Variants in KCNAB1 observed in about 807,000 individuals in gnomAD.
The protein encoded by KCNAB1 is voltage-gated potassium channel subunit beta-1.
A neutral mutation model predicts 64.6 loss-of-function variants in KCNAB1; 35 were observed. That is an observed-to-expected ratio of 0.54 (90% CI 0.41 to 0.72). The LOEUF (loss-of-function observed/expected upper bound fraction) is 0.72, where lower values mean the gene tolerates loss of function less well. Among genes scored for constraint, KCNAB1 ranks in the 30% least tolerant of loss-of-function variants. The probability of loss-of-function intolerance (pLI) is 0.00; values close to 1 mark genes in which losing one functional copy is unlikely to be tolerated. For missense variants in KCNAB1, 401 were observed against 512.9 expected, an observed-to-expected ratio of 0.78 and a Z score of 2.11; for synonymous variants, 177 against 183.8, an observed-to-expected ratio of 0.96 and a Z score of 0.30.
At position 156,174,840 on chromosome 3, in the gene KCNAB1, G is replaced by T. The variant is rs551018150; in HGVS notation, c.275+53954G>T. ...GACTGGGCTTGGGCTGCCAATGAGG[G>T]TGCATCTGCCAGTGAGCTTTCACTT... On this transcript the variant is annotated intron_variant, in intron 1 of 13. Coordinates refer to ENST00000490337, the MANE Select transcript of KCNAB1 (RefSeq NM_172160.3). Among the ~76,000 whole-genome samples the T allele has an allele frequency of 3.7e-4, 56 of 152,328 alleles. 1 individual carries two copies. The South Asian group carries it at 0.01, about 28-fold the overall frequency.
At chr3:156,262,318 A>AG (rs1046019822) in intron 1 of KCNAB1, among the ~76,000 whole-genome samples, 4 of 151,790 alleles carry the variant, frequency 2.6e-5, no homozygotes, top group African/African-American at 4.8e-5. Context: ...GTATGATGTG[A>AG]GCTGTGGATT....
At chr3:156,266,598 GC>G (rs1361040680) in intron 1 of KCNAB1, among the ~76,000 whole-genome samples, 1 of 152,140 alleles carries the variant, frequency 6.6e-6, no homozygotes. Context: ...GGGTTAAAAA[GC>G]CTCAGTTATT....
chr3:156,527,219 T>C (rs1718372741), intron 12 of KCNAB1, among the ~76,000 whole-genome samples: 1 of 152,248 alleles, frequency 6.6e-6, no homozygotes, highest in Non-Finnish European at 1.5e-5. Context: ...TAAAACATAT[T>C]AGCTATTTGA....
At chr3:156,482,282 T>C (rs1714880193) in intron 8 of KCNAB1, among the ~76,000 whole-genome samples, 1 of 151,944 alleles carries the variant, frequency 6.6e-6, no homozygotes, top group Non-Finnish European at 1.5e-5. Flanking sequence ...AACTCAATAA[T>C]AGGATTAACT....
chr3:156,392,967 C>T (rs746952652), intron 1 of KCNAB1, among the ~76,000 whole-genome samples: 1 of 152,156 alleles, frequency 6.6e-6, no homozygotes, highest in African/African-American at 2.4e-5. Flanking sequence ...ATGTTGACCT[C>T]ATAAGATAAA....
intron 8 of KCNAB1, among the ~76,000 whole-genome samples, chr3:156,500,468 A>G (rs1716324437): frequency 6.6e-6 from 1 of 152,228 alleles, no homozygotes; most frequent in Non-Finnish European, 1.5e-5. Flanking sequence ...GAAGTTAGAG[A>G]CATCTTTATT....
intron 1 of KCNAB1, among the ~76,000 whole-genome samples, chr3:156,373,778 A>G (rs1711503653): frequency 6.6e-6 from 1 of 152,212 alleles, no homozygotes; most frequent in Admixed American, 6.5e-5. Context: ...TCAGCCTTGT[A>G]CCAAAGGCCC....
chr3:156,490,148 A>G (rs1481836547), intron 8 of KCNAB1, among the ~76,000 whole-genome samples: 3 of 152,030 alleles, frequency 2.0e-5, no homozygotes, highest in Non-Finnish European at 4.4e-5. Flanking sequence ...CCCTTCTCTC[A>G]CCCATGTCCA....
At chr3:156,363,264 G>A (rs1725727324) in intron 1 of KCNAB1, among the ~76,000 whole-genome samples, 1 of 152,172 alleles carries the variant, frequency 6.6e-6, no homozygotes, top group African/African-American at 2.4e-5. Flanking sequence ...ATCTAACCTT[G>A]AAGGTTTTAG....
intron 1 of KCNAB1, among the ~76,000 whole-genome samples, chr3:156,401,426 A>G (rs1028725948): frequency 6.6e-6 from 1 of 152,242 alleles, no homozygotes; most frequent in Non-Finnish European, 1.5e-5. Flanking sequence ...TCTTAATTAT[A>G]GGATTTTTTC....
chr3:156,359,109 G>T (rs1725440159), intron 1 of KCNAB1, among the ~76,000 whole-genome samples: 1 of 152,086 alleles, frequency 6.6e-6, no homozygotes, highest in African/African-American at 2.4e-5. Context: ...TCCTGAAGAG[G>T]TGTATATATT....
chr3:156,140,920 G>A (rs1253540020), intron 1 of KCNAB1, among the ~76,000 whole-genome samples: 4 of 152,172 alleles, frequency 2.6e-5, no homozygotes, highest in African/African-American at 9.7e-5. Context: ...CAGCAGAGAT[G>A]TAAGATGTGA....
In KCNAB1 at chr3:156,460,980, T is replaced by C. The variant is rs564264257; in HGVS notation, c.482+1109T>C. ...TATGAACAAATAAACTTTGATGACC[T>C]ACTTTCTCCTTCTCCCTTCTCCCTC... On this transcript the variant is annotated intron_variant, in intron 5 of 13. Coordinates refer to ENST00000490337, the MANE Select transcript of KCNAB1 (RefSeq NM_172160.3). Among the ~76,000 whole-genome samples, 7 of 152,306 alleles carry C rather than the reference T, an allele frequency of 4.6e-5. No individual in the cohort carries two copies. In the South Asian group the frequency reaches 1.5e-3, roughly 32 times the overall value.
intron 1 of KCNAB1, among the ~76,000 whole-genome samples, chr3:156,261,324 A>G (rs1392061808): frequency 6.6e-6 from 1 of 152,000 alleles, no homozygotes; most frequent in Non-Finnish European, 1.5e-5. Context: ...AGCCAAGATC[A>G]TAAAGAATTC....
chr3:156,219,402 TCAAAGA>T (rs758677215), intron 1 of KCNAB1, among the ~76,000 whole-genome samples: 156 of 151,662 alleles, frequency 1.0e-3, no homozygotes, highest in South Asian at 1.7e-3. Flanking sequence ...ACCTAATCCG[TCAAAGA>T]CAAAGAAAAA....
intron 1 of KCNAB1, among the ~76,000 whole-genome samples, chr3:156,286,618 A>T (rs913220809): frequency 1.3e-5 from 2 of 152,242 alleles, no homozygotes; most frequent in Non-Finnish European, 2.9e-5. Context: ...GGAATAAATT[A>T]TCGTGAAGTA....
chr3:156,434,672 ACAAAT>A lies in KCNAB1; in HGVS notation c.319+13018_319+13022del, dbSNP rs544399733. Among the ~76,000 whole-genome samples, 1,489 of 152,332 alleles carry A rather than the reference ACAAAT, an allele frequency of 9.8e-3. 12 individuals are homozygous for A. Among genetic ancestry groups the A allele is most frequent in the South Asian group, 0.028 (137 of 4,826 alleles). On this transcript the variant is annotated intron_variant, in intron 2 of 13. Transcript: ENST00000490337. Reference sequence around the variant, plus strand: ...AGAAAATAAATAAATGGGCAAACAGACAAATCAAAGAAGAAAAGGAAATCAAATTT... The same window carrying A: ...AGAAAATAAATAAATGGGCAAACAGACAAAGAAGAAAAGGAAATCAAATTT...
intron 1 of KCNAB1, among the ~76,000 whole-genome samples, chr3:156,248,469 A>ATTTT (rs33915450): frequency 4.0e-5 from 4 of 100,140 alleles, no homozygotes; most frequent in Non-Finnish European, 8.0e-5. Flanking sequence ...CTGTAATGAG[A>ATTTT]TTTTTTTTTT....
intron 1 of KCNAB1, among the ~76,000 whole-genome samples, chr3:156,236,474 A>C (rs1308525544): frequency 1.3e-5 from 2 of 152,208 alleles, no homozygotes; most frequent in Non-Finnish European, 2.9e-5. Flanking sequence ...TCAGATGATA[A>C]TTAAGATGAG....
Sources: allele counts gnomAD v4.1 joint callset (sites outside exome capture counted in the v4.1 genomes callset), GRCh38; gene constraint gnomAD v4.1.1; transcripts MANE v1.5; gene names NCBI Gene and HGNC (gene_info 2026-07-23, HGNC 2026-07-21).